Variants in C10orf90 observed in about 807,000 individuals in gnomAD.
C10orf90 encodes the protein (E2-independent) E3 ubiquitin-conjugating enzyme FATS.
C10orf90 carries 56 observed loss-of-function variants against 62.5 expected under a neutral mutation model. The ratio of observed to expected loss-of-function variants is 0.90; its 90% CI spans 0.72 to 1.12. The LOEUF is 1.12. Among genes scored for constraint, C10orf90 ranks in the 50% most tolerant of loss-of-function variants. C10orf90 has a pLI of 0.00. For synonymous variants in C10orf90, 386 were observed against 340.4 expected (o/e 1.13, Z -1.47); for missense variants, 970 against 880.4 (o/e 1.10, Z -1.29).
chr10:126,491,700 C>A (rs1391556477), intron 4 of C10orf90, among the ~76,000 whole-genome samples: 6 of 152,166 alleles, frequency 3.9e-5, no homozygotes, highest in Non-Finnish European at 8.8e-5. Context: ...GTGAGAATTT[C>A]TAGAAGGAAA....
intron 2 of C10orf90, among the ~76,000 whole-genome samples, chr10:126,540,750 T>C (rs1336220317): frequency 6.6e-6 from 1 of 151,192 alleles, no homozygotes; most frequent in Non-Finnish European, 1.5e-5. Context: ...TATCGAAACC[T>C]ACACTAAGGC....
intron 7 of C10orf90, among the ~76,000 whole-genome samples, chr10:126,452,602 T>C (rs1207979677): frequency 1.3e-5 from 2 of 152,222 alleles, no homozygotes; most frequent in Non-Finnish European, 2.9e-5. Context: ...AACTCAGTGT[T>C]TTTACCTTAC....
At chr10:126,623,245 A>G (rs919830263) in intron 2 of C10orf90, among the ~76,000 whole-genome samples, 7 of 152,116 alleles carry the variant, frequency 4.6e-5, no homozygotes, top group African/African-American at 1.7e-4. Flanking sequence ...GGACACCCCC[A>G]TGAGGTCATC....
chr10:126,445,998 C>G (rs1240498940), intron 7 of C10orf90, among the ~76,000 whole-genome samples: 2 of 151,404 alleles, frequency 1.3e-5, no homozygotes, highest in Admixed American at 6.6e-5. Flanking sequence ...GCTTTGGGGT[C>G]TCAGGGGGAA....
At chr10:126,431,053 G>A (rs1388684156) in intron 7 of C10orf90, among the ~76,000 whole-genome samples, 1 of 152,148 alleles carries the variant, frequency 6.6e-6, no homozygotes, top group Non-Finnish European at 1.5e-5. Context: ...TGGCACCATC[G>A]CTTAACTTCA....
At chr10:126,497,372 C>T (rs544767097) in intron 4 of C10orf90, among the ~76,000 whole-genome samples, 3 of 152,228 alleles carry the variant, frequency 2.0e-5, no homozygotes, top group South Asian at 2.1e-4. Flanking sequence ...CAGAGCGAGA[C>T]GGGATGGTAT....
intron 7 of C10orf90, among the ~76,000 whole-genome samples, chr10:126,445,332 A>G (rs145491567): frequency 0.024 from 3,666 of 152,230 alleles, 83 homozygotes; most frequent in Non-Finnish European, 0.033. Flanking sequence ...AAAACAAACA[A>G]TCCCATCAAA....
chr10:126,459,919 G>A (rs563601814), intron 6 of C10orf90, among the ~76,000 whole-genome samples: 2 of 152,360 alleles, frequency 1.3e-5, no homozygotes, highest in African/African-American at 4.8e-5. Flanking sequence ...GGTGCTTGAT[G>A]TGTATTCATC....
chr10:126,642,273 T>C (rs2842167), intron 2 of C10orf90, among the ~76,000 whole-genome samples: 4,482 of 152,190 alleles, frequency 0.029, 108 homozygotes, highest in South Asian at 0.07. Flanking sequence ...TGGCTCACGC[T>C]TGTAATCCCA....
At chr10:126,464,597 G>A in intron 5 of C10orf90, 99 bp downstream of exon 5, 3 of 1,285,704 alleles carry the variant, frequency 2.3e-6, no homozygotes, top group Admixed American at 4.3e-5. Flanking sequence ...GTTTCATCAG[G>A]TGAACGGTGA....
chr10:126,545,992 G>A (rs376551330), intron 2 of C10orf90, among the ~76,000 whole-genome samples: 1 of 152,028 alleles, frequency 6.6e-6, no homozygotes. Context: ...TATGGACCTC[G>A]AGACCCAAAA....
chr10:126,525,734 A>G (rs1357050447), intron 2 of C10orf90, among the ~76,000 whole-genome samples: 1 of 152,038 alleles, frequency 6.6e-6, no homozygotes, highest in Non-Finnish European at 1.5e-5. Context: ...CCACTTAGAA[A>G]CTCAAAGTGG....
At chr10:126,627,295 T>G (rs980542681) in intron 2 of C10orf90, among the ~76,000 whole-genome samples, 48 of 152,362 alleles carry the variant, frequency 3.2e-4, no homozygotes, top group African/African-American at 1.1e-3. Context: ...CCACTGCACC[T>G]GGCCTCTTTT....
At position 126,547,051 on chromosome 10, in the gene C10orf90, A is replaced by G. The variant is rs554728946; in HGVS notation, c.314-33112T>C. ...TGAGGCACAGGAGGTGGAGATTGCA[A>G]TGAGCCAAGATCGTGCTACTGCACT... is the stretch of plus-strand genomic sequence containing the variant. On this transcript the variant is annotated intron_variant, in intron 2 of 9. Transcript: ENST00000488181. Among the ~76,000 whole-genome samples the G allele has an allele frequency of 5.9e-5, 9 of 151,940 alleles. No individual in the cohort carries two copies. In the East Asian group the frequency reaches 1.8e-3, roughly 30 times the overall value.
At chr10:126,597,377 C>T (rs1244533331) in intron 2 of C10orf90, among the ~76,000 whole-genome samples, 3 of 152,232 alleles carry the variant, frequency 2.0e-5, no homozygotes, top group African/African-American at 7.2e-5. Flanking sequence ...AGCCTAGAGG[C>T]GAGATAGCAC....
intron 2 of C10orf90, among the ~76,000 whole-genome samples, chr10:126,562,623 T>G (rs1426364715): frequency 3.9e-5 from 6 of 152,118 alleles, no homozygotes; most frequent in Non-Finnish European, 8.8e-5. Flanking sequence ...TCCTCTCCCT[T>G]CCCTGGGATA....
At chr10:126,663,416 CCTAA>C (rs1846558279) in intron 1 of C10orf90, among the ~76,000 whole-genome samples, 2 of 152,196 alleles carry the variant, frequency 1.3e-5, no homozygotes, top group Admixed American at 1.3e-4. Flanking sequence ...TTCCGCCGCT[CCTAA>C]CTGTGTCACT....
intron 1 of C10orf90, among the ~76,000 whole-genome samples, chr10:126,646,877 A>G (rs892903562): frequency 3.9e-5 from 6 of 152,182 alleles, no homozygotes; most frequent in Non-Finnish European, 7.3e-5. Context: ...GAGGGAGGAA[A>G]GGAAACTAGA....
chr10:126,470,913 ACT>A (rs1486261979), intron 4 of C10orf90, among the ~76,000 whole-genome samples: 1 of 151,896 alleles, frequency 6.6e-6, no homozygotes. Context: ...GCAGGTTAAA[ACT>A]CTATTTCCTC....
Sources: allele counts gnomAD v4.1 joint callset (sites outside exome capture counted in the v4.1 genomes callset), GRCh38; gene constraint gnomAD v4.1.1; transcripts MANE v1.5; gene names NCBI Gene and HGNC (gene_info 2026-07-23, HGNC 2026-07-21).